CHRM5: variants seen among roughly 807,000 people sequenced by gnomAD.
CHRM5 encodes the protein cholinergic receptor muscarinic 5.
In CHRM5, 18 loss-of-function variants were observed where a neutral mutation model predicts 39.0. The observed-to-expected ratio is 0.46, with a 90% CI of 0.32 to 0.68. The LOEUF (loss-of-function observed/expected upper bound fraction) is 0.68. Ranked by LOEUF, CHRM5 falls within the 30% of genes least tolerant of loss-of-function variation. The pLI is 0.04. For synonymous variants in CHRM5, 241 were observed against 246.3 expected (o/e 0.98, Z 0.20); for missense variants, 515 against 651.1 (o/e 0.79, Z 2.28).
intron 1 of CHRM5, among the ~76,000 whole-genome samples, chr15:33,983,183 CGT>C (rs536612414): frequency 4.1e-5 from 4 of 96,830 alleles, no homozygotes; most frequent in African/African-American, 1.4e-4. Context: ...TATATACACA[CGT>C]GTGTGTATGT....
At chr15:34,057,896 A>G (rs1900213493) in intron 2 of CHRM5, among the ~76,000 whole-genome samples, 1 of 152,194 alleles carries the variant, frequency 6.6e-6, no homozygotes, top group East Asian at 1.9e-4. Context: ...TGATGTTACC[A>G]CTGTAAATTA....
chr15:34,052,078 C>T (rs1400193760), intron 2 of CHRM5, among the ~76,000 whole-genome samples: 1 of 152,124 alleles, frequency 6.6e-6, no homozygotes, highest in East Asian at 1.9e-4. Flanking sequence ...CTTTGATGAA[C>T]ACTGATGCAA....
At position 34,063,418 on chromosome 15, in the gene CHRM5, A is replaced by G; in HGVS notation, c.701A>G (p.Asp234Gly). The G allele has an allele frequency of 6.2e-7, 1 of 1,613,776 alleles. No homozygotes were observed. Among genetic ancestry groups the G allele is most frequent in the Non-Finnish European group, 8.5e-7 (1 of 1,179,990 alleles). ...TKDLADLQGS[D>G]SVTKAEKRKP... ...GACCTGGCTGACCTCCAGGGTTCTG[A>G]CTCTGTGACCAAAGCTGAGAAGAGA... is the stretch of plus-strand genomic sequence containing the variant. Residue 234 changes from aspartate to glycine, a missense_variant, in exon 3 of 3, where the codon GAC (aspartate) becomes GGC (glycine). By Grantham distance (94) the Asp-to-Gly change is moderately conservative. Coordinates refer to ENST00000383263, the MANE Select transcript of CHRM5 (RefSeq NM_012125.4). The surrounding 1 kb of genome is among the most constrained non-coding windows in gnomAD (Gnocchi z 4.1).
intron 1 of CHRM5, among the ~76,000 whole-genome samples, chr15:33,994,676 G>A (rs1249673501): frequency 6.6e-6 from 1 of 152,162 alleles, no homozygotes; most frequent in Non-Finnish European, 1.5e-5. Flanking sequence ...TATACATACA[G>A]TGTGTGTGAA....
intron 1 of CHRM5, among the ~76,000 whole-genome samples, chr15:34,008,090 G>GA (rs766021495): frequency 6.6e-6 from 1 of 152,020 alleles, no homozygotes; most frequent in African/African-American, 2.4e-5. Context: ...ATTCTTGGAA[G>GA]AAAAAATCAC....
intron 1 of CHRM5, among the ~76,000 whole-genome samples, chr15:34,013,721 G>GA (rs1332756226): frequency 2.0e-5 from 3 of 152,152 alleles, no homozygotes; most frequent in South Asian, 2.1e-4. Context: ...CGGAAGCACA[G>GA]AAAAAACATC....
chr15:33,987,498 C>T (rs1226738781), intron 1 of CHRM5, among the ~76,000 whole-genome samples: 1 of 152,152 alleles, frequency 6.6e-6, no homozygotes, highest in Non-Finnish European at 1.5e-5. Flanking sequence ...CCTCAGATTA[C>T]GCTCCACTCT....
intron 1 of CHRM5, among the ~76,000 whole-genome samples, chr15:34,001,464 C>T (rs546186471): frequency 2.0e-5 from 3 of 152,190 alleles, no homozygotes; most frequent in African/African-American, 7.2e-5. Context: ...ATTTTCTCCC[C>T]CTAGATCTTC....
In CHRM5 at chr15:34,046,539, G is replaced by A. The variant is rs1020129460; in HGVS notation, c.-407-1G>A. On this transcript the variant is annotated splice_acceptor_variant, in intron 1 of 2. Transcript: ENST00000383263. LOFTEE classifies it low-confidence loss of function (5UTR_SPLICE). Reference sequence around the variant, plus strand: ...TGTGAACGATCATTCCCCTTTTCTAGGAACCTAGGAAATCATTCTCAGCCT... The same window carrying A: ...TGTGAACGATCATTCCCCTTTTCTAAGAACCTAGGAAATCATTCTCAGCCT... 6.6e-6 allele frequency: 1 copy of A among 152,134 alleles called. No individual in the cohort carries two copies. Among genetic ancestry groups the A allele is most frequent in the Non-Finnish European group, 1.5e-5 (1 of 68,030 alleles). 9.4% of individuals were successfully genotyped at this position (152,134 alleles called of 1,614,324 possible). A position where few individuals can be genotyped will look rare whatever the true frequency, so the allele number is the denominator to read the frequency against.
At chr15:33,974,047 A>T (rs1297387654) in intron 1 of CHRM5, among the ~76,000 whole-genome samples, 1 of 152,238 alleles carries the variant, frequency 6.6e-6, no homozygotes, top group Non-Finnish European at 1.5e-5. Context: ...GGGATAGTAT[A>T]TGATATTATG....
chr15:34,010,119 T>C (rs1348975713), intron 1 of CHRM5, among the ~76,000 whole-genome samples: 2 of 152,162 alleles, frequency 1.3e-5, no homozygotes, highest in African/African-American at 4.8e-5. Flanking sequence ...ACCTTTAATA[T>C]GGATTAGACT....
At chr15:33,974,791 G>A (rs577890170) in intron 1 of CHRM5, among the ~76,000 whole-genome samples, 14 of 152,274 alleles carry the variant, frequency 9.2e-5, no homozygotes, top group African/African-American at 3.4e-4. Context: ...TGGCCAACAT[G>A]TTGAAACCCC....
intron 1 of CHRM5, among the ~76,000 whole-genome samples, chr15:34,014,860 T>G (rs1356108136): frequency 6.6e-6 from 1 of 151,854 alleles, no homozygotes; most frequent in South Asian, 2.1e-4. Flanking sequence ...AAAACTCCAC[T>G]CTGAAGAAAA....
intron 1 of CHRM5, among the ~76,000 whole-genome samples, chr15:33,983,154 G>A (rs144635315): frequency 1.8e-5 from 2 of 111,754 alleles, no homozygotes; most frequent in African/African-American, 8.7e-5. Context: ...GTGTGTGTGT[G>A]TGTGTATGTG....
chr15:34,030,726 C>T (rs780944619), intron 1 of CHRM5, among the ~76,000 whole-genome samples: 1 of 152,100 alleles, frequency 6.6e-6, no homozygotes, highest in Non-Finnish European at 1.5e-5. Context: ...TAAAAATCTT[C>T]CTGCCTCGGC....
chr15:33,980,931 A>C (rs1221237330), intron 1 of CHRM5, among the ~76,000 whole-genome samples: 1 of 152,216 alleles, frequency 6.6e-6, no homozygotes, highest in African/African-American at 2.4e-5. Context: ...CTCCAATCAG[A>C]ACTTAAAAAA....
intron 1 of CHRM5, among the ~76,000 whole-genome samples, chr15:34,044,640 G>A (rs1899617643): frequency 6.6e-6 from 1 of 152,334 alleles, no homozygotes; most frequent in Non-Finnish European, 1.5e-5. Context: ...CCCAACAGAA[G>A]GGGACCCACC....
At position 34,063,992 on chromosome 15, in the gene CHRM5, A is replaced by G; in HGVS notation, c.1275A>G (p.Gln425=). The change falls in exon 3 of 3, where the codon CAA becomes CAG. Residue 425 remains glutamine (Q), a synonymous_variant. Transcript: ENST00000383263. The surrounding 1 kb of genome is among the most constrained non-coding windows in gnomAD (Gnocchi z 4.1). ...GCCTCAATCCCAACCCCAGCCATCA[A>G]ATGACCAAACGAAAGAGAGTGGTCC... ...TKGLNPNPSH[Q]MTKRKRVVLV... is the part of the protein sequence containing the mutation. The G allele has an allele frequency of 6.2e-7, 1 of 1,614,188 alleles. No individual in the cohort carries two copies. The highest frequency in any genetic ancestry group is 8.5e-7 in the Non-Finnish European group (1 of 1,180,034).
chr15:33,999,029 G>A (rs1461903200), intron 1 of CHRM5, among the ~76,000 whole-genome samples: 1 of 152,204 alleles, frequency 6.6e-6, no homozygotes, highest in Non-Finnish European at 1.5e-5. Context: ...TAGATGTTGT[G>A]CTGGGTCTCT....
Sources: allele counts gnomAD v4.1 joint callset (sites outside exome capture counted in the v4.1 genomes callset), GRCh38; gene constraint gnomAD v4.1.1; non-coding constraint Gnocchi (gnomAD v3.1); transcripts MANE v1.5; gene names NCBI Gene and HGNC (gene_info 2026-07-23, HGNC 2026-07-21).